The following KCNN2 variants were observed in gnomAD, a reference collection of about 807,000 sequenced individuals.
KCNN2 encodes the protein small conductance calcium-activated potassium channel protein 2.
Under a neutral mutation model 55.5 loss-of-function variants are expected in KCNN2, and 24 were observed. The ratio of observed to expected loss-of-function variants is 0.43; its 90% CI spans 0.31 to 0.61. The LOEUF is 0.61. Among genes scored for constraint, KCNN2 ranks in the 20% least tolerant of loss-of-function variants. The pLI is 0.08. For synonymous variants in KCNN2, 431 were observed against 336.1 expected (o/e 1.28, Z -3.09); for missense variants, 754 against 853.6 (o/e 0.88, Z 1.45).
chr5:114,444,924 A>G (rs1476846993), intron 3 of KCNN2, among the ~76,000 whole-genome samples: 2 of 152,114 alleles, frequency 1.3e-5, no homozygotes, highest in Non-Finnish European at 2.9e-5. Context: ...ACATTGCATC[A>G]AGTACAGTGA....
chr5:114,137,386 T>C lies in KCNN2; in HGVS notation c.-271+80886T>C, dbSNP rs1311941689. Among the ~76,000 whole-genome samples the C allele has an allele frequency of 2.6e-5, 4 of 152,174 alleles. No homozygotes were observed. In the East Asian group the frequency reaches 7.7e-4, roughly 29 times the overall value. ...GTAGTCATCTTTATTCCTCTGATCC[T>C]TCCCTGCGTATATACTTAGTCCTTC... is the stretch of plus-strand genomic sequence containing the variant. On this transcript the variant is annotated intron_variant, in intron 1 of 10. Coordinates refer to the KCNN2 transcript ENST00000512097.
intron 3 of KCNN2, among the ~76,000 whole-genome samples, chr5:114,456,244 G>A (rs946739100): frequency 6.6e-6 from 1 of 152,202 alleles, no homozygotes; most frequent in Non-Finnish European, 1.5e-5. Context: ...GATTTACCAT[G>A]CTGAAAAACC....
In KCNN2 at chr5:114,496,005, C is replaced by T. The variant is rs995849999; in HGVS notation, c.2199C>T (p.Ile733=). ...AACTAGAGACTTTGATTGGTAGCAT[C>T]CACGCCCTCCCTGGGCTCATAAGCC... is the stretch of plus-strand genomic sequence containing the variant. The part of the protein sequence containing the change: ...ETKLETLIGS[I]HALPGLISQT... The change falls in exon 8 of 8, where the codon ATC becomes ATT. Residue 733 remains isoleucine, a synonymous_variant. Coordinates refer to ENST00000673685, the MANE Select transcript of KCNN2 (RefSeq NM_021614.4). The T allele has an allele frequency of 6.2e-7, 1 of 1,613,928 alleles. No homozygotes were observed. The highest frequency in any genetic ancestry group is 8.5e-7 in the Non-Finnish European group (1 of 1,179,986).
At chr5:114,118,753 C>T (rs1236946675) in intron 1 of KCNN2, among the ~76,000 whole-genome samples, 1 of 152,122 alleles carries the variant, frequency 6.6e-6, no homozygotes, top group Non-Finnish European at 1.5e-5. Flanking sequence ...TAAAGTTAAT[C>T]ATCAGACATA....
At chr5:114,096,320 G>C (rs1751254761) in intron 1 of KCNN2, among the ~76,000 whole-genome samples, 1 of 152,134 alleles carries the variant, frequency 6.6e-6, no homozygotes, top group African/African-American at 2.4e-5. Flanking sequence ...TGGTTTGGAG[G>C]TTAAAGACAG....
At chr5:114,495,695 C>A (rs1748079512) in intron 7 of KCNN2, among the ~76,000 whole-genome samples, 200 bp from the exon 8 acceptor site, 1 of 152,150 alleles carries the variant, frequency 6.6e-6, no homozygotes, top group African/African-American at 2.4e-5. Flanking sequence ...GCAACTGAAC[C>A]AAAGATCTTA....
intron 6 of KCNN2, among the ~76,000 whole-genome samples, chr5:114,487,875 A>G (rs2150138079): frequency 6.6e-6 from 1 of 152,272 alleles, no homozygotes; most frequent in South Asian, 2.1e-4. Context: ...TTAATTCTAT[A>G]TGGAGAAGAG....
intron 1 of KCNN2, among the ~76,000 whole-genome samples, chr5:114,077,083 C>G (rs977851850): frequency 2.0e-5 from 3 of 152,144 alleles, no homozygotes; most frequent in African/African-American, 7.2e-5. Flanking sequence ...AAAAAGGTGC[C>G]CATTTTCCCT....
chr5:114,291,417 C>T (rs1755884758), intron 2 of KCNN2, among the ~76,000 whole-genome samples: 1 of 151,682 alleles, frequency 6.6e-6, no homozygotes, highest in Admixed American at 6.6e-5. Context: ...TCAATTTCCA[C>T]CTATGAGTGA....
At chr5:114,161,724 C>T (rs1468820359) in intron 1 of KCNN2, among the ~76,000 whole-genome samples, 1 of 152,168 alleles carries the variant, frequency 6.6e-6, no homozygotes, top group Non-Finnish European at 1.5e-5. Flanking sequence ...TTTCTCTAAA[C>T]TTCTTTTCTC....
chr5:114,425,405 A>G (rs1759590800), intron 3 of KCNN2, among the ~76,000 whole-genome samples: 1 of 152,164 alleles, frequency 6.6e-6, no homozygotes, highest in Non-Finnish European at 1.5e-5. Context: ...ACTACTTTAC[A>G]AAATATTTAC....
intron 2 of KCNN2, among the ~76,000 whole-genome samples, chr5:114,298,132 C>T (rs994265604): frequency 6.6e-6 from 1 of 152,206 alleles, no homozygotes; most frequent in Non-Finnish European, 1.5e-5. Context: ...TTATCATCAT[C>T]TACTGCAGGG....
intron 1 of KCNN2, among the ~76,000 whole-genome samples, chr5:114,125,623 T>C (rs1424856186): frequency 6.6e-6 from 1 of 152,160 alleles, no homozygotes; most frequent in Non-Finnish European, 1.5e-5. Context: ...ACTTGTAGGG[T>C]GCATTAGTTT....
chr5:114,447,328 T>C (rs1400069525), intron 3 of KCNN2, among the ~76,000 whole-genome samples: 2 of 152,220 alleles, frequency 1.3e-5, no homozygotes, highest in Non-Finnish European at 2.9e-5. Context: ...CACTGAGAAC[T>C]GAATGGTTTT....
At chr5:114,292,720 T>G (rs1190109063) in intron 2 of KCNN2, among the ~76,000 whole-genome samples, 1 of 152,178 alleles carries the variant, frequency 6.6e-6, no homozygotes, top group Non-Finnish European at 1.5e-5. Context: ...TTTTTCCAAT[T>G]CTGGGAAGAA....
At chr5:114,417,904 C>T (rs1012730648) in intron 3 of KCNN2, among the ~76,000 whole-genome samples, 1 of 152,184 alleles carries the variant, frequency 6.6e-6, no homozygotes, top group African/African-American at 2.4e-5. Flanking sequence ...GCCCAGAGCC[C>T]TTTAATATCT....
intron 3 of KCNN2, among the ~76,000 whole-genome samples, chr5:114,427,068 C>T (rs529323932): frequency 5.3e-5 from 8 of 152,226 alleles, no homozygotes; most frequent in African/African-American, 1.9e-4. Context: ...CCACCAGCCA[C>T]CCACCTGCAC....
At chr5:114,123,574 A>G (rs1270916237) in intron 1 of KCNN2, among the ~76,000 whole-genome samples, 4 of 72,430 alleles carry the variant, frequency 5.5e-5, no homozygotes, top group Admixed American at 4.7e-4. Flanking sequence ...TGTGTTAGCC[A>G]GAATGGTCTC....
chr5:114,342,856 C>T (rs1757040414), intron 2 of KCNN2, among the ~76,000 whole-genome samples: 2 of 152,124 alleles, frequency 1.3e-5, no homozygotes, highest in African/African-American at 4.8e-5. Context: ...TTTTTGTCCC[C>T]TAACTTTTAA....
Sources: allele counts gnomAD v4.1 joint callset (sites outside exome capture counted in the v4.1 genomes callset), GRCh38; gene constraint gnomAD v4.1.1; transcripts MANE v1.5; gene names NCBI Gene and HGNC (gene_info 2026-07-23, HGNC 2026-07-21).